The following HSPA12A variants were observed in gnomAD, a reference collection of about 807,000 sequenced individuals.
HSPA12A encodes heat shock protein family A (Hsp70) member 12A, also known as heat shock 70 kDa protein 12A.
In HSPA12A, 28 loss-of-function variants were observed where a neutral mutation model predicts 69.2. The ratio of observed to expected loss-of-function variants is 0.40; its 90% CI spans 0.30 to 0.55. The LOEUF (loss-of-function observed/expected upper bound fraction) is 0.55, where lower values mean the gene tolerates loss of function less well. Among genes scored for constraint, HSPA12A ranks in the 20% least tolerant of loss-of-function variants. The probability of loss-of-function intolerance (pLI) is 0.38; values close to 1 mark genes in which losing one functional copy is unlikely to be tolerated. For missense variants in HSPA12A, 686 were observed against 900.7 expected (o/e 0.76, Z 3.05); for synonymous variants, 345 against 370.5 (o/e 0.93, Z 0.79).
chr10:116,715,257 G>T (rs1445858619), intron 1 of HSPA12A, among the ~76,000 whole-genome samples: 1 of 152,158 alleles, frequency 6.6e-6, no homozygotes, highest in African/African-American at 2.4e-5. Flanking sequence ...TATCCTGACT[G>T]CCCCGGAGAC....
chr10:116,675,217 C>T lies in HSPA12A; in HGVS notation c.1592G>A (p.Arg531His), dbSNP rs201237054. Reference sequence around the variant, plus strand: ...TACCCCGTAGGTGAGCGGCGACCGGCGCACCTTGATGACCGCGGGGTCCAG... The same window carrying T: ...TACCCCGTAGGTGAGCGGCGACCGGTGCACCTTGATGACCGCGGGGTCCAG... ...FGLDPAVIKV[R>H]RSPLTYGVGV... The change falls in exon 12 of 12, where the codon CGC becomes CAC. Residue 531 changes from arginine (R) to histidine (H), a missense_variant. Transcript: ENST00000369209. The surrounding 1 kb of genome is among the most constrained non-coding windows in gnomAD (Gnocchi z 5.2). 58 of 1,613,654 alleles carry T rather than the reference C, an allele frequency of 3.6e-5. No individual in the cohort carries two copies. Among genetic ancestry groups the T allele is most frequent in the Non-Finnish European group, 4.7e-5 (56 of 1,180,024 alleles).
intron 2 of HSPA12A, among the ~76,000 whole-genome samples, chr10:116,706,095 C>T (rs555461451): frequency 9.9e-5 from 15 of 151,902 alleles, no homozygotes; most frequent in Middle Eastern, 3.4e-3. Context: ...CTGGGTTTCA[C>T]GGTGTTAGCC....
At chr10:116,844,209 C>G (rs1423175501) in intron 1 of HSPA12A, among the ~76,000 whole-genome samples, 2 of 152,164 alleles carry the variant, frequency 1.3e-5, no homozygotes, top group Non-Finnish European at 2.9e-5. Context: ...TTGGGCCAAT[C>G]ACTTACCTTT....
At chr10:116,694,405 G>A (rs1251254269) in intron 5 of HSPA12A, among the ~76,000 whole-genome samples, 1 of 152,128 alleles carries the variant, frequency 6.6e-6, no homozygotes, top group Non-Finnish European at 1.5e-5. Flanking sequence ...TTTATTCACG[G>A]CATATTCCCT....
intron 1 of HSPA12A, among the ~76,000 whole-genome samples, chr10:116,736,474 C>T (rs1554886438): frequency 6.6e-6 from 1 of 152,120 alleles, no homozygotes; most frequent in African/African-American, 2.4e-5. Flanking sequence ...ACTATGTTAT[C>T]TCCTATGGGA....
chr10:116,792,178 G>A (rs985245847), intron 2 of HSPA12A, among the ~76,000 whole-genome samples: 10 of 147,254 alleles, frequency 6.8e-5, no homozygotes, highest in African/African-American at 1.3e-4. Flanking sequence ...ATGCATGTAC[G>A]TTGATCACGT....
At position 116,687,409 on chromosome 10, in the gene HSPA12A, T is replaced by C. The variant is rs1418911897; in HGVS notation, c.664-3447A>G. Among the ~76,000 whole-genome samples, 4 of 152,042 alleles carry C rather than the reference T, an allele frequency of 2.6e-5. 1 individual carries two copies. Among genetic ancestry groups the C allele is most frequent in the African/African-American group, 9.7e-5 (4 of 41,396 alleles). ...ACTTCTTTGCTTGAACCAGCTCCTG[T>C]CCAGTGAGGGGCCGTGTCCTACCTG... On this transcript the variant is annotated intron_variant, in intron 6 of 11. Transcript: ENST00000369209.
intron 2 of HSPA12A, among the ~76,000 whole-genome samples, chr10:116,792,762 G>A (rs1227788689): frequency 6.6e-6 from 1 of 151,718 alleles, no homozygotes; most frequent in Admixed American, 6.6e-5. Context: ...CTGCACTCCA[G>A]CCTGGGTGAC....
chr10:116,718,449 G>A lies in HSPA12A; in HGVS notation c.41-11164C>T, dbSNP rs190606804. ...CTTGGCCACCATGCCCTCCAAACCT[G>A]GGTAACTCGGGCACAAACCTTCCAC... is the stretch of plus-strand genomic sequence containing the variant. On this transcript the variant is annotated intron_variant, in intron 1 of 11. Transcript: ENST00000369209. Among the ~76,000 whole-genome samples, 310 of 152,292 alleles carry A rather than the reference G, an allele frequency of 2.0e-3. 1 individual carries two copies. The highest frequency in any genetic ancestry group is 7.0e-3 in the African/African-American group (290 of 41,584).
At chr10:116,806,910 C>G (rs187823388) in intron 2 of HSPA12A, among the ~76,000 whole-genome samples, 1 of 152,340 alleles carries the variant, frequency 6.6e-6, no homozygotes, top group East Asian at 1.9e-4. Context: ...ATGAGGAGAT[C>G]GTCCTGGGTT....
chr10:116,707,149 GCGCGCACACACACACACACA>G (rs1850278008), intron 2 of HSPA12A, 31 bp downstream of exon 2: 6 of 446,452 alleles, frequency 1.3e-5, no homozygotes, highest in South Asian at 9.3e-5. Flanking sequence ...GCGCACCCAT[GCGCGCACACACACACACACA>G]CACACACACA....
intron 5 of HSPA12A, among the ~76,000 whole-genome samples, chr10:116,694,183 T>C (rs12265205): frequency 0.18 from 26,941 of 152,194 alleles, 2,724 homozygotes; most frequent in South Asian, 0.34. Flanking sequence ...CATTAATTAA[T>C]TGACCATCTC....
chr10:116,787,179 A>G (rs1234516298), intron 2 of HSPA12A, among the ~76,000 whole-genome samples: 1 of 151,974 alleles, frequency 6.6e-6, no homozygotes, highest in Non-Finnish European at 1.5e-5. Flanking sequence ...ATGGGATCTC[A>G]TGCATTCTGG....
chr10:116,762,427 C>A (rs1843992114), intron 2 of HSPA12A, among the ~76,000 whole-genome samples: 1 of 152,148 alleles, frequency 6.6e-6, no homozygotes, highest in Admixed American at 6.5e-5. Flanking sequence ...TCCTCTTCAT[C>A]CCTTACAGGA....
chr10:116,795,952 C>T (rs1479350537), intron 2 of HSPA12A, among the ~76,000 whole-genome samples: 4 of 150,730 alleles, frequency 2.7e-5, no homozygotes, highest in South Asian at 2.1e-4. Context: ...CGAGATCATC[C>T]GGGCTAACAT....
chr10:116,730,655 T>C (rs1488431096), intron 1 of HSPA12A, among the ~76,000 whole-genome samples: 1 of 152,246 alleles, frequency 6.6e-6, no homozygotes, highest in Non-Finnish European at 1.5e-5. Flanking sequence ...GGCTCTCTTC[T>C]CTGGGACTGC....
chr10:116,734,216 C>A (rs1329962020), intron 1 of HSPA12A, among the ~76,000 whole-genome samples: 1 of 147,710 alleles, frequency 6.8e-6, no homozygotes, highest in African/African-American at 2.7e-5. Flanking sequence ...TTTGGGAAAC[C>A]AAGACAGGCA....
chr10:116,708,783 T>C (rs1463432438), intron 1 of HSPA12A, among the ~76,000 whole-genome samples: 1 of 152,192 alleles, frequency 6.6e-6, no homozygotes, highest in Non-Finnish European at 1.5e-5. Context: ...AACAAGTATA[T>C]GAAAAGATGT....
chr10:116,784,664 C>G (rs1844537351), intron 2 of HSPA12A, among the ~76,000 whole-genome samples: 1 of 152,202 alleles, frequency 6.6e-6, no homozygotes, highest in African/African-American at 2.4e-5. Context: ...AAGAGTTGCT[C>G]CTTCCCGTTC....
Sources: gnomAD v4.1 joint callset for allele counts (sites outside exome capture counted in the v4.1 genomes callset) on GRCh38, gnomAD v4.1.1 for gene constraint, Gnocchi (gnomAD v3.1) non-coding constraint, MANE v1.5 for transcripts, NCBI Gene and HGNC (gene_info 2026-07-23, HGNC 2026-07-21) for gene names.